GSE1: variants seen among roughly 807,000 people sequenced by gnomAD.
GSE1 encodes Gse1 coiled-coil protein.
Under a neutral mutation model 112.6 loss-of-function variants are expected in GSE1, and 32 were observed. That is an observed-to-expected ratio of 0.28 (90% CI 0.21 to 0.38). The LOEUF is 0.38. Among genes scored for constraint, GSE1 ranks in the 10% least tolerant of loss-of-function variants. GSE1 has a pLI of 1.00. For missense variants in GSE1, 2,348 were observed against 1,699.2 expected (o/e 1.38, Z -6.71); for synonymous variants, 1,115 against 735.6 (o/e 1.52, Z -8.35).
At chr16:85,638,556 C>A (rs961882223) in intron 2 of GSE1, among the ~76,000 whole-genome samples, 1 of 152,204 alleles carries the variant, frequency 6.6e-6, no homozygotes, top group Non-Finnish European at 1.5e-5. Context: ...GAGCAGGTCT[C>A]TACCTCATGA....
Position 85,643,141 on chromosome 16 carries a change from G to A in GSE1, c.227-5411G>A, listed in dbSNP as rs188826507. ...TGTCAGCTGTTAATTACATCTGCCC[G>A]TGGGCCTCAGCGCTAATCTTCGAGG... On this transcript the variant is annotated intron_variant, in intron 2 of 15. Coordinates refer to ENST00000253458, the MANE Select transcript of GSE1 (RefSeq NM_014615.5). 4.6e-5 allele frequency among the ~76,000 whole-genome samples: 7 copies of A among 152,262 alleles called. No homozygotes were observed. The East Asian group carries it at 7.7e-4, about 17-fold the overall frequency.
chr16:85,656,781 C>G, intron 7 of GSE1, 116 bp downstream of exon 7: 1 of 1,375,200 alleles, frequency 7.3e-7, no homozygotes, highest in Non-Finnish European at 9.6e-7. Context: ...CTGAGTTCGC[C>G]CTAAAAGCGT....
intron 2 of GSE1, among the ~76,000 whole-genome samples, chr16:85,507,946 C>T (rs1452708665): frequency 6.6e-6 from 1 of 152,176 alleles, no homozygotes; most frequent in East Asian, 1.9e-4. Flanking sequence ...GTAATGGGCC[C>T]CTGCATGACA....
At chr16:85,644,791 G>A (rs1456036536) in intron 2 of GSE1, among the ~76,000 whole-genome samples, 1 of 151,964 alleles carries the variant, frequency 6.6e-6, no homozygotes, top group Non-Finnish European at 1.5e-5. Flanking sequence ...TGAATTACGC[G>A]GGATGGAATC....
chr16:85,443,190 C>G (rs2049423128), intron 2 of GSE1, among the ~76,000 whole-genome samples: 1 of 152,206 alleles, frequency 6.6e-6, no homozygotes, highest in Admixed American at 6.5e-5. Context: ...CCGGTGCAGC[C>G]CCCATTTCCT....
chr16:85,382,715 GCA>G (rs112103997), intron 2 of GSE1, among the ~76,000 whole-genome samples: 1 of 151,504 alleles, frequency 6.6e-6, no homozygotes, highest in Non-Finnish European at 1.5e-5. Context: ...CCTCACACAT[GCA>G]CACACACACA....
At chr16:85,567,879 C>T (rs2045826540) in intron 1 of GSE1, among the ~76,000 whole-genome samples, 1 of 152,066 alleles carries the variant, frequency 6.6e-6, no homozygotes, top group Non-Finnish European at 1.5e-5. Context: ...TGCACCACCA[C>T]ACCTGGCTAA....
upstream of GSE1, among the ~76,000 whole-genome samples, chr16:85,554,339 C>G (rs2045088331): frequency 6.6e-6 from 1 of 152,158 alleles, no homozygotes; most frequent in South Asian, 2.1e-4. Context: ...GAGATACAGG[C>G]TCCACACTCA....
At chr16:85,546,720 G>A (rs545421098) in intron 2 of GSE1, among the ~76,000 whole-genome samples, 9 of 152,352 alleles carry the variant, frequency 5.9e-5, no homozygotes, top group Non-Finnish European at 1.3e-4. Context: ...CATTCTCTTG[G>A]CCAGAACTTG....
At chr16:85,403,235 C>T (rs139384043) in intron 2 of GSE1, among the ~76,000 whole-genome samples, 68 of 152,290 alleles carry the variant, frequency 4.5e-4, no homozygotes, top group Non-Finnish European at 3.8e-4. Context: ...AGAGGGCACA[C>T]GCAATGGCAA....
At position 85,539,778 on chromosome 16, in the gene GSE1, A is replaced by T. The variant is rs549689207; in HGVS notation, c.2465-94136A>T. Among the ~76,000 whole-genome samples, 7 of 152,258 alleles carry T rather than the reference A, an allele frequency of 4.6e-5. No individual in the cohort carries two copies. The South Asian group carries it at 1.2e-3, about 27-fold the overall frequency. Reference sequence around the variant, plus strand: ...CACCAGGCTCACCCAGAACAGGCGGATGGCTGCCCTGTCCCCTCCCTGAAG... The same window carrying T: ...CACCAGGCTCACCCAGAACAGGCGGTTGGCTGCCCTGTCCCCTCCCTGAAG... On this transcript the variant is annotated intron_variant, in intron 2 of 2. Transcript: ENST00000637419.
chr16:85,416,556 C>T (rs549545647), intron 2 of GSE1, among the ~76,000 whole-genome samples: 1 of 152,302 alleles, frequency 6.6e-6, no homozygotes, highest in African/African-American at 2.4e-5. Context: ...AGGGGGAGCC[C>T]GGGTTGAGGG....
intron 1 of GSE1, among the ~76,000 whole-genome samples, chr16:85,229,509 C>T (rs1484241124): frequency 6.6e-6 from 1 of 152,226 alleles, no homozygotes; most frequent in African/African-American, 2.4e-5. Context: ...GTGCCATGCA[C>T]CGTGCTAAGT....
At chr16:85,428,960 A>T (rs1438876363) in intron 2 of GSE1, among the ~76,000 whole-genome samples, 1 of 151,832 alleles carries the variant, frequency 6.6e-6, no homozygotes, top group Admixed American at 6.6e-5. Context: ...TTTGTAAGGT[A>T]CTCCTTCTGC....
At chr16:85,672,300 A>ATTTTCAAATG (rs2053416174) in intron 15 of GSE1, 105 bp from the exon 16 acceptor site, 1 of 854,452 alleles carries the variant, frequency 1.2e-6, no homozygotes, top group African/African-American at 1.7e-5. Flanking sequence ...CGGCCGGGAC[A>ATTTTCAAATG]TTTTCAAATG....
At chr16:85,669,307 TTATCATCACATATGACAGTGTTGTAAA>T (rs780562909) in intron 14 of GSE1, among the ~76,000 whole-genome samples, 41 of 152,382 alleles carry the variant, frequency 2.7e-4, no homozygotes, top group Non-Finnish European at 5.0e-4. Context: ...AGAGGACTCT[TTATCATCACATATGACAGTGTTGTAAA>T]TATCATCAAA....
intron 1 of GSE1, among the ~76,000 whole-genome samples, chr16:85,616,789 C>A (rs545380101): frequency 6.6e-6 from 1 of 152,078 alleles, no homozygotes; most frequent in African/African-American, 2.4e-5. Flanking sequence ...CTTTCTCCCC[C>A]GGCTGAGGCC....
chr16:85,531,146 A>G (rs2044122670), intron 2 of GSE1, among the ~76,000 whole-genome samples: 1 of 152,242 alleles, frequency 6.6e-6, no homozygotes, highest in South Asian at 2.1e-4. Flanking sequence ...CTCTGGAGAT[A>G]GCAGGAGAAA....
intron 2 of GSE1, among the ~76,000 whole-genome samples, chr16:85,518,955 A>G (rs920878495): frequency 6.6e-6 from 1 of 152,146 alleles, no homozygotes; most frequent in African/African-American, 2.4e-5. Context: ...GGATCCAGGC[A>G]GGACCACATG....
Sources: gnomAD v4.1 joint callset for allele counts (sites outside exome capture counted in the v4.1 genomes callset) on GRCh38, gnomAD v4.1.1 for gene constraint, MANE v1.5 for transcripts, NCBI Gene and HGNC (gene_info 2026-07-23, HGNC 2026-07-21) for gene names.